FRMD4A: variants seen among roughly 807,000 people sequenced by gnomAD.
The protein encoded by FRMD4A is FERM domain-containing protein 4A.
Under a neutral mutation model 129.1 loss-of-function variants are expected in FRMD4A, and 29 were observed. That is an observed-to-expected ratio of 0.22 (90% CI 0.17 to 0.31). The LOEUF is 0.31. FRMD4A is among the 10% of genes least tolerant of loss of function. The pLI, the probability that FRMD4A is intolerant of heterozygous loss-of-function variation, is 1.00. For synonymous variants in FRMD4A, 634 were observed against 571.6 expected (o/e 1.11, Z -1.56); for missense variants, 1,272 against 1,375.8 (o/e 0.92, Z 1.19).
chr10:13,884,120 ACT>A (rs766660162), intron 2 of FRMD4A, among the ~76,000 whole-genome samples: 1,539 of 114,020 alleles, frequency 0.013, 71 homozygotes, highest in African/African-American at 0.03. Flanking sequence ...ACACACACAC[ACT>A]CACACACACG....
At chr10:13,958,321 T>C (rs867350035) in intron 2 of FRMD4A, among the ~76,000 whole-genome samples, 1 of 139,942 alleles carries the variant, frequency 7.1e-6, no homozygotes, top group Non-Finnish European at 1.5e-5. Flanking sequence ...GTCTCGCTCG[T>C]CGCCCAGGCT....
chr10:14,161,970 A>C (rs1353273487), intron 2 of FRMD4A, among the ~76,000 whole-genome samples: 1 of 151,646 alleles, frequency 6.6e-6, no homozygotes, highest in Non-Finnish European at 1.5e-5. Flanking sequence ...GGAATAGTTA[A>C]AAGTGATTCT....
At chr10:13,880,955 G>A (rs1053934195) in intron 2 of FRMD4A, among the ~76,000 whole-genome samples, 3 of 152,032 alleles carry the variant, frequency 2.0e-5, no homozygotes, top group Admixed American at 6.5e-5. Context: ...GGCAAGACTT[G>A]GTTGGTTTTT....
At chr10:14,097,972 C>T (rs982476552) in intron 2 of FRMD4A, among the ~76,000 whole-genome samples, 14 of 117,616 alleles carry the variant, frequency 1.2e-4, no homozygotes, top group East Asian at 2.4e-4. Flanking sequence ...ATATTATATA[C>T]AAATTATATA....
intron 2 of FRMD4A, among the ~76,000 whole-genome samples, chr10:14,136,429 G>T (rs1308619607): frequency 1.3e-5 from 2 of 152,156 alleles, no homozygotes; most frequent in Non-Finnish European, 2.9e-5. Flanking sequence ...GGGACAGAAA[G>T]TTATCCCTCT....
chr10:13,903,116 A>G (rs2094840604), intron 2 of FRMD4A, among the ~76,000 whole-genome samples: 1 of 152,074 alleles, frequency 6.6e-6, no homozygotes, highest in South Asian at 2.1e-4. Flanking sequence ...GCCCTCCTCC[A>G]GATACCAGTA....
chr10:13,748,094 C>G (rs2091382643), intron 8 of FRMD4A, among the ~76,000 whole-genome samples: 1 of 152,174 alleles, frequency 6.6e-6, no homozygotes, highest in Non-Finnish European at 1.5e-5. Context: ...CCTGCTCTCA[C>G]TGAAGGGCAC....
At chr10:14,127,643 A>C in intron 2 of FRMD4A, among the ~76,000 whole-genome samples, 1 of 152,184 alleles carries the variant, frequency 6.6e-6, no homozygotes, top group East Asian at 1.9e-4. Flanking sequence ...CACTGTGGGA[A>C]TGGCTATCTT....
At chr10:14,202,230 A>C (rs1024158837) in intron 2 of FRMD4A, among the ~76,000 whole-genome samples, 2 of 152,058 alleles carry the variant, frequency 1.3e-5, no homozygotes, top group Admixed American at 1.3e-4. Flanking sequence ...AGGAGTGCAG[A>C]GCCAGGCAGA....
intron 2 of FRMD4A, among the ~76,000 whole-genome samples, chr10:13,940,745 C>G (rs1367000461): frequency 6.6e-6 from 1 of 152,208 alleles, no homozygotes; most frequent in Non-Finnish European, 1.5e-5. Flanking sequence ...ACAACAGCAT[C>G]TTGATAGAGC....
Position 13,646,821 on chromosome 10 carries a change from G to T in FRMD4A, c.*217C>A, listed in dbSNP as rs1036538651. 2.5e-5 allele frequency: 4 copies of T among 161,362 alleles called. No individual in the cohort carries two copies. Among genetic ancestry groups the T allele is most frequent in the African/African-American group, 9.6e-5 (4 of 41,636 alleles). 10.0% of individuals were successfully genotyped at this position (161,362 alleles called of 1,614,324 possible). Reference sequence around the variant, plus strand: ...GGAATGCGGAGACAGGAGAAAAAAAGTGCTGAGGGCCAAAGCTGGTGCAGG... The same window carrying T: ...GGAATGCGGAGACAGGAGAAAAAAATTGCTGAGGGCCAAAGCTGGTGCAGG... On this transcript the variant is annotated 3_prime_UTR_variant, in exon 25 of 25. Transcript: ENST00000357447.
At chr10:13,672,007 C>T (rs1271411623) in intron 16 of FRMD4A, among the ~76,000 whole-genome samples, 15 of 152,246 alleles carry the variant, frequency 9.9e-5, no homozygotes, top group Admixed American at 9.8e-4. Context: ...CGGGAAAATC[C>T]AAATCATGAG....
At chr10:13,833,431 G>A (rs2093821701) in intron 3 of FRMD4A, among the ~76,000 whole-genome samples, 1 of 152,082 alleles carries the variant, frequency 6.6e-6, no homozygotes, top group Non-Finnish European at 1.5e-5. Flanking sequence ...TTGACACATG[G>A]GAATTATTAC....
intron 8 of FRMD4A, among the ~76,000 whole-genome samples, chr10:13,757,748 C>CT (rs1375906979): frequency 2.0e-5 from 3 of 151,924 alleles, no homozygotes; most frequent in South Asian, 2.1e-4. Context: ...TTGACTTCGT[C>CT]TTTTTTTTAT....
At chr10:14,240,654 A>G (rs547776552) in intron 2 of FRMD4A, among the ~76,000 whole-genome samples, 1 of 152,228 alleles carries the variant, frequency 6.6e-6, no homozygotes, top group Non-Finnish European at 1.5e-5. Flanking sequence ...ATTATTATTA[A>G]ATTTGTCCGT....
intron 2 of FRMD4A, among the ~76,000 whole-genome samples, chr10:13,915,687 G>T (rs61321766): frequency 6.9e-6 from 1 of 144,978 alleles, no homozygotes; most frequent in South Asian, 2.2e-4. Context: ...AAAAAAAAAA[G>T]TGGGCAGATT....
intron 8 of FRMD4A, among the ~76,000 whole-genome samples, chr10:13,754,873 T>C (rs144550355): frequency 3.0e-4 from 45 of 152,324 alleles, no homozygotes; most frequent in African/African-American, 1.1e-3. Flanking sequence ...TCTCGTACCA[T>C]ATGATCATGC....
chr10:13,694,949 G>C (rs1372611434), intron 14 of FRMD4A, among the ~76,000 whole-genome samples: 1 of 152,130 alleles, frequency 6.6e-6, no homozygotes. Flanking sequence ...TCCCACCAAC[G>C]AACGTCTGAC....
At chr10:13,888,627 G>T (rs1470321789) in intron 2 of FRMD4A, among the ~76,000 whole-genome samples, 2 of 152,110 alleles carry the variant, frequency 1.3e-5, no homozygotes, top group African/African-American at 4.8e-5. Context: ...TTTCTTATGA[G>T]GTCCCAGAAA....
Sources: allele counts gnomAD v4.1 joint callset (sites outside exome capture counted in the v4.1 genomes callset), GRCh38; gene constraint gnomAD v4.1.1; transcripts MANE v1.5; gene names NCBI Gene and HGNC (gene_info 2026-07-23, HGNC 2026-07-21).